Variants in SH3RF3 observed in about 807,000 individuals in gnomAD.
SH3RF3 encodes SH3 domain containing ring finger 3.
Under a neutral mutation model 66.3 loss-of-function variants are expected in SH3RF3, and 29 were observed. The ratio of observed to expected loss-of-function variants is 0.44; its 90% confidence interval spans 0.33 to 0.60. The LOEUF is 0.60. Ranked by LOEUF, SH3RF3 falls within the 20% of genes least tolerant of loss-of-function variation. SH3RF3 has a pLI of 0.04. For synonymous variants in SH3RF3, 583 were observed against 532.0 expected (o/e 1.10, Z -1.32); for missense variants, 1,194 against 1,190.9 (o/e 1.00, Z -0.04).
chr2:109,194,404 C>T (rs1678444835), intron 1 of SH3RF3, among the ~76,000 whole-genome samples: 1 of 152,236 alleles, frequency 6.6e-6, no homozygotes, highest in Non-Finnish European at 1.5e-5. Context: ...GGGCCTCAAC[C>T]CCTGCCATCC....
At chr2:109,399,018 C>T in intron 4 of SH3RF3, 75 bp downstream of exon 4, 4 of 1,438,600 alleles carry the variant, frequency 2.8e-6, no homozygotes, top group African/African-American at 2.8e-5. Context: ...TTCAGTGTCC[C>T]CCGTTCCTCA....
chr2:109,199,842 T>TGGAATGGAAA (rs1678625275), intron 1 of SH3RF3, among the ~76,000 whole-genome samples: 1 of 53,618 alleles, frequency 1.9e-5, no homozygotes, highest in African/African-American at 5.2e-5. Context: ...TGGAATGGAA[T>TGGAATGGAAA]GGAATGGAAA....
intron 9 of SH3RF3, among the ~76,000 whole-genome samples, chr2:109,492,762 G>A (rs1679162783): frequency 6.6e-6 from 1 of 152,104 alleles, no homozygotes. Context: ...TCTCTGTAGG[G>A]TGCGCAGTCA....
chr2:109,286,038 A>T (rs1681022599), intron 1 of SH3RF3, among the ~76,000 whole-genome samples: 1 of 152,220 alleles, frequency 6.6e-6, no homozygotes, highest in Admixed American at 6.5e-5. Context: ...TCTGCTGCTT[A>T]GAATCAATGG....
At chr2:109,265,446 G>A (rs1197990468) in intron 1 of SH3RF3, among the ~76,000 whole-genome samples, 1 of 152,206 alleles carries the variant, frequency 6.6e-6, no homozygotes, top group Non-Finnish European at 1.5e-5. Flanking sequence ...CCCTGACAGT[G>A]AGCCCCCACC....
intron 1 of SH3RF3, chr2:109,251,752 TTAAA>T (rs1464074834): frequency 5.0e-5 from 30 of 604,972 alleles, no homozygotes; most frequent in African/African-American, 7.4e-5. Flanking sequence ...AGACTTTTTG[TTAAA>T]TAAACTTTTG....
intron 4 of SH3RF3, among the ~76,000 whole-genome samples, chr2:109,405,744 T>C (rs1676436991): frequency 1.3e-5 from 2 of 152,212 alleles, no homozygotes; most frequent in African/African-American, 4.8e-5. Flanking sequence ...CCACTGTCTC[T>C]TTGCCTACAG....
chr2:109,394,669 A>G (rs200290342), intron 3 of SH3RF3, among the ~76,000 whole-genome samples: 1 of 152,228 alleles, frequency 6.6e-6, no homozygotes, highest in East Asian at 1.9e-4. Context: ...GTGCACATCT[A>G]TGTAGGAGGG....
chr2:109,217,349 A>G (rs762942980), intron 1 of SH3RF3, among the ~76,000 whole-genome samples: 19 of 152,220 alleles, frequency 1.2e-4, no homozygotes, highest in Non-Finnish European at 2.6e-4. Flanking sequence ...TTGGAACTGC[A>G]CTTACCATAT....
chr2:109,386,969 T>G (rs2104398361), intron 3 of SH3RF3, among the ~76,000 whole-genome samples: 2 of 152,238 alleles, frequency 1.3e-5, no homozygotes, highest in South Asian at 4.1e-4. Context: ...TCTAATGACT[T>G]TTTCTGATTA....
chr2:109,458,601 A>AGAGAGAGAGAG (rs1553524376), intron 8 of SH3RF3, among the ~76,000 whole-genome samples: 14 of 148,994 alleles, frequency 9.4e-5, no homozygotes, highest in South Asian at 2.1e-4. Context: ...AGAGAGAGAG[A>AGAGAGAGAGAG]ATTTATTTAT....
At chr2:109,331,587 C>T (rs543540964) in intron 1 of SH3RF3, among the ~76,000 whole-genome samples, 7 of 152,274 alleles carry the variant, frequency 4.6e-5, no homozygotes, top group Non-Finnish European at 7.4e-5. Context: ...GGAGTACTTA[C>T]GGTCTTCACT....
intron 1 of SH3RF3, among the ~76,000 whole-genome samples, chr2:109,206,867 G>A (rs948603916): frequency 6.6e-6 from 1 of 152,208 alleles, no homozygotes; most frequent in African/African-American, 2.4e-5. Context: ...AAAGTTGACT[G>A]AGCATTCTCA....
intron 1 of SH3RF3, among the ~76,000 whole-genome samples, chr2:109,230,346 G>C (rs1029063098): frequency 1.4e-4 from 21 of 152,098 alleles, no homozygotes; most frequent in Admixed American, 1.2e-3. Context: ...AGAGGCCAAG[G>C]TGGGGGGCTC....
At chr2:109,487,073 A>G (rs1042396007) in intron 8 of SH3RF3, among the ~76,000 whole-genome samples, 4 of 152,154 alleles carry the variant, frequency 2.6e-5, no homozygotes, top group African/African-American at 7.2e-5. Flanking sequence ...TTTGCAGAAG[A>G]AGGCAGTCAG....
intron 1 of SH3RF3, among the ~76,000 whole-genome samples, chr2:109,247,447 C>A (rs748188521): frequency 5.3e-5 from 8 of 152,210 alleles, no homozygotes; most frequent in Admixed American, 4.6e-4. Flanking sequence ...GGCTCCTGAC[C>A]GTTCCTCTGA....
chr2:109,198,835 G>A (rs1233975583), intron 1 of SH3RF3, among the ~76,000 whole-genome samples: 2 of 152,218 alleles, frequency 1.3e-5, no homozygotes, highest in South Asian at 2.1e-4. Context: ...GTGTTCCCCG[G>A]CTGCAGACCT....
At chr2:109,298,965 T>C (rs542747743) in intron 1 of SH3RF3, among the ~76,000 whole-genome samples, 1 of 152,316 alleles carries the variant, frequency 6.6e-6, no homozygotes, top group South Asian at 2.1e-4. Flanking sequence ...CCAGGCCGTA[T>C]GACACGGCCC....
chr2:109,375,346 A>T (rs1683357168), intron 3 of SH3RF3, among the ~76,000 whole-genome samples: 1 of 152,216 alleles, frequency 6.6e-6, no homozygotes, highest in African/African-American at 2.4e-5. Context: ...GCCAGGACCC[A>T]GGGCACGTCT....
Sources: allele counts gnomAD v4.1 joint callset (sites outside exome capture counted in the v4.1 genomes callset), GRCh38; gene constraint gnomAD v4.1.1; transcripts MANE v1.5; gene names NCBI Gene and HGNC (gene_info 2026-07-23, HGNC 2026-07-21).